The following DGKB variants were observed in gnomAD, a reference collection of about 807,000 sequenced individuals.
DGKB encodes the protein diacylglycerol kinase beta, also known as 90 kDa diacylglycerol kinase.
In DGKB, 67 loss-of-function variants were observed where a neutral mutation model predicts 114.3. The ratio of observed to expected loss-of-function variants is 0.59; its 90% CI spans 0.48 to 0.72. The LOEUF is 0.72. Among genes scored for constraint, DGKB ranks in the 30% least tolerant of loss-of-function variants. DGKB has a pLI of 0.00. For synonymous variants in DGKB, 398 were observed against 323.1 expected (o/e 1.23, Z -2.49); for missense variants, 907 against 975.2 (o/e 0.93, Z 0.93).
At position 14,164,465 on chromosome 7, in the gene DGKB, C is replaced by T. The variant is rs181547288; in HGVS notation, c.2304+12374G>A. On this transcript the variant is annotated intron_variant, in intron 25 of 25. Coordinates refer to ENST00000402815, the MANE Select transcript of DGKB (RefSeq NM_001350709.2). ...TTTAAAGTTAAAGAATTTAATGCAA[C>T]GGTCTTGGGAGATTCAAGAGTTATG... 5.7e-3 allele frequency among the ~76,000 whole-genome samples: 868 copies of T among 152,270 alleles called. 6 individuals carry two copies. The highest frequency in any genetic ancestry group is 0.019 in the African/African-American group (797 of 41,560).
chr7:14,731,829 A>T (rs1047519593), intron 5 of DGKB, among the ~76,000 whole-genome samples: 2 of 152,242 alleles, frequency 1.3e-5, no homozygotes, highest in African/African-American at 4.8e-5. Context: ...GAGAGATTAG[A>T]GACCTGACAT....
intron 14 of DGKB, among the ~76,000 whole-genome samples, chr7:14,625,635 G>A (rs1161900605): frequency 6.6e-6 from 1 of 151,936 alleles, no homozygotes; most frequent in Non-Finnish European, 1.5e-5. Flanking sequence ...TTTAAGTTTT[G>A]GGGCTCTAAA....
intron 21 of DGKB, among the ~76,000 whole-genome samples, chr7:14,419,081 T>C (rs1826254421): frequency 6.6e-6 from 1 of 151,810 alleles, no homozygotes; most frequent in Non-Finnish European, 1.5e-5. Flanking sequence ...AATAATAGAA[T>C]CCTTACTCTG....
At chr7:14,317,360 C>T (rs187557932) in intron 23 of DGKB, among the ~76,000 whole-genome samples, 15 of 133,196 alleles carry the variant, frequency 1.1e-4, no homozygotes, top group Admixed American at 5.2e-4. Context: ...CGTTTGCAGA[C>T]GACATGATTG....
intron 23 of DGKB, among the ~76,000 whole-genome samples, chr7:14,307,175 G>T (rs1804624342): frequency 8.0e-6 from 1 of 124,696 alleles, no homozygotes; most frequent in African/African-American, 2.9e-5. Context: ...AATAATTGAG[G>T]GTTACATTTA....
At chr7:14,932,500 G>C (rs1785074120) in intron 1 of DGKB, among the ~76,000 whole-genome samples, 1 of 152,120 alleles carries the variant, frequency 6.6e-6, no homozygotes. Flanking sequence ...TCATTAGTCA[G>C]ATTATTGTAC....
chr7:14,258,332 G>A (rs561157330), intron 23 of DGKB, among the ~76,000 whole-genome samples: 1 of 152,284 alleles, frequency 6.6e-6, no homozygotes, highest in Non-Finnish European at 1.5e-5. Flanking sequence ...GAAGAATATA[G>A]ATTAGTTTTG....
At chr7:14,167,604 G>C (rs1334763555) in intron 25 of DGKB, among the ~76,000 whole-genome samples, 1 of 152,144 alleles carries the variant, frequency 6.6e-6, no homozygotes. Context: ...GCATAGATTT[G>C]ACCTTAACAA....
At chr7:14,510,730 A>C (rs1431581211) in intron 20 of DGKB, among the ~76,000 whole-genome samples, 2 of 152,216 alleles carry the variant, frequency 1.3e-5, no homozygotes, top group African/African-American at 4.8e-5. Flanking sequence ...TATCTATGAC[A>C]GCTATAGCCT....
intron 23 of DGKB, among the ~76,000 whole-genome samples, chr7:14,247,813 T>A (rs555063506): frequency 1.3e-5 from 2 of 151,778 alleles, no homozygotes; most frequent in Admixed American, 1.3e-4. Context: ...TTTATGCCTT[T>A]GATTATTTCT....
At position 14,666,781 on chromosome 7, in the gene DGKB, TAA is replaced by T. The variant is rs373736313; in HGVS notation, c.1134+6146_1134+6147del. Among the ~76,000 whole-genome samples, 14 of 151,586 alleles carry T rather than the reference TAA, an allele frequency of 9.2e-5. No individual in the cohort carries two copies. In the East Asian group the frequency reaches 2.5e-3, roughly 27 times the overall value. On this transcript the variant is annotated intron_variant, in intron 13 of 25. Coordinates refer to ENST00000402815, the MANE Select transcript of DGKB (RefSeq NM_001350709.2). ...ATTGTTACCAGAACATTTTTTTTCTTAAAAAAAAGCATTCTAAGTACCTAAAC... is the reference window on the plus strand; with the variant it reads ...ATTGTTACCAGAACATTTTTTTTCTTAAAAAAGCATTCTAAGTACCTAAAC...
intron 2 of DGKB, among the ~76,000 whole-genome samples, chr7:14,779,618 T>C (rs1838765990): frequency 6.6e-6 from 1 of 152,172 alleles, no homozygotes; most frequent in African/African-American, 2.4e-5. Flanking sequence ...AAATAAAAAG[T>C]AAAGGCTCCC....
At chr7:14,657,860 C>G (rs1816176482) in intron 13 of DGKB, among the ~76,000 whole-genome samples, 1 of 151,902 alleles carries the variant, frequency 6.6e-6, no homozygotes, top group South Asian at 2.1e-4. Context: ...ATTATTAACT[C>G]TTGCCGATAA....
In DGKB at chr7:14,417,720, C is replaced by A. The variant is rs547672933; in HGVS notation, c.1835+60441G>T. On this transcript the variant is annotated intron_variant, in intron 21 of 25. Transcript: ENST00000402815. The stretch of plus-strand genomic sequence containing the variant: ...TTTTTACTTTTTTTTTTAACTTGTA[C>A]AGTATACATTTATTTAACTATGACT... Among the ~76,000 whole-genome samples the A allele has an allele frequency of 5.6e-4, 84 of 150,890 alleles. 1 individual carries two copies. Among genetic ancestry groups the A allele is most frequent in the Middle Eastern group, 3.4e-3 (1 of 292 alleles).
At chr7:14,429,650 C>T (rs956402073) in intron 21 of DGKB, among the ~76,000 whole-genome samples, 10 of 152,194 alleles carry the variant, frequency 6.6e-5, no homozygotes, top group Middle Eastern at 3.4e-3. Flanking sequence ...GGGCCAGGCA[C>T]GGTGGTTCAT....
intron 12 of DGKB, among the ~76,000 whole-genome samples, chr7:14,677,867 G>A (rs9986817): frequency 0.068 from 10,272 of 151,926 alleles, 704 homozygotes; most frequent in African/African-American, 0.18. Flanking sequence ...TAAGCTTTTC[G>A]TATTTTTAAT....
At chr7:14,499,699 A>G (rs1785836290) in intron 20 of DGKB, among the ~76,000 whole-genome samples, 1 of 151,902 alleles carries the variant, frequency 6.6e-6, no homozygotes, top group South Asian at 2.1e-4. Flanking sequence ...GCTATGGCTC[A>G]TGATTCCTAG....
chr7:14,178,669 C>T (rs976168967), intron 23 of DGKB, among the ~76,000 whole-genome samples: 24 of 152,230 alleles, frequency 1.6e-4, no homozygotes, highest in African/African-American at 5.5e-4. Flanking sequence ...CTTTGAGTAA[C>T]TTGTCTGTAG....
intron 1 of DGKB, among the ~76,000 whole-genome samples, chr7:14,913,828 G>A (rs1276271003): frequency 1.3e-5 from 2 of 152,094 alleles, no homozygotes; most frequent in African/African-American, 2.4e-5. Context: ...ACAAAGCTAA[G>A]CAAGCTAATC....
Sources: gnomAD v4.1 joint callset for allele counts (sites outside exome capture counted in the v4.1 genomes callset) on GRCh38, gnomAD v4.1.1 for gene constraint, MANE v1.5 for transcripts, NCBI Gene and HGNC (gene_info 2026-07-23, HGNC 2026-07-21) for gene names.